MTM1: variants seen among roughly 807,000 people sequenced by gnomAD.
The protein encoded by MTM1 is myotubularin 1.
A neutral mutation model predicts 52.1 loss-of-function variants in MTM1; 9 were observed. The observed-to-expected ratio is 0.17, with a 90% CI of 0.10 to 0.30. The LOEUF (loss-of-function observed/expected upper bound fraction) is 0.30, where lower values mean the gene tolerates loss of function less well. Among genes scored for constraint, MTM1 ranks in the 10% least tolerant of loss-of-function variants. The pLI is 1.00. For missense variants in MTM1, 277 were observed against 470.7 expected, an observed-to-expected ratio of 0.59 and a Z score of 3.81; for synonymous variants, 136 against 163.8, an observed-to-expected ratio of 0.83 and a Z score of 1.29.
intron 6 of MTM1, among the ~76,000 whole-genome samples, chrX:150,620,762 A>G (rs1341725183): frequency 9.0e-6 from 1 of 111,557 alleles, no homozygotes; most frequent in Admixed American, 9.5e-5. Flanking sequence ...TCTAACCCTG[A>G]TATTGTCCTT....
At chrX:150,638,051 G>C (rs1212252665) in intron 6 of MTM1, among the ~76,000 whole-genome samples, 5 of 112,660 alleles carry the variant, frequency 4.4e-5, no homozygotes, top group African/African-American at 1.6e-4. Context: ...AATCAACCAA[G>C]TAAGAGATGA....
At chrX:150,573,885 G>A (rs1281578846) in intron 1 of MTM1, among the ~76,000 whole-genome samples, 1 of 112,277 alleles carries the variant, frequency 8.9e-6, no homozygotes, top group Non-Finnish European at 1.9e-5. Context: ...CTGCGTGTCA[G>A]TACTGTTTGT....
chrX:150,658,864 T>A (rs2148509964), intron 11 of MTM1, among the ~76,000 whole-genome samples: 1 of 112,198 alleles, frequency 8.9e-6, no homozygotes, highest in East Asian at 2.8e-4. Flanking sequence ...TTTGTTTGTT[T>A]GTTTTTGAGA....
At chrX:150,647,221 A>ATATATATATATATATATATATATATATG (rs373023705) in intron 9 of MTM1, among the ~76,000 whole-genome samples, 26 of 101,605 alleles carry the variant, frequency 2.6e-4, no homozygotes, top group African/African-American at 1.0e-3. Context: ...ATATATATAT[A>ATATATATATATATATATATATATATATG]GCAATATTTT....
At chrX:150,591,574 T>G (rs782659720) in intron 1 of MTM1, among the ~76,000 whole-genome samples, 1 of 113,029 alleles carries the variant, frequency 8.8e-6, no homozygotes, top group African/African-American at 3.2e-5. Context: ...TGTGAAGCTG[T>G]TAAATCCCAC....
chrX:150,567,481 G>A (rs1173912182), upstream of MTM1, among the ~76,000 whole-genome samples: 1 of 111,337 alleles, frequency 9.0e-6, no homozygotes, highest in Non-Finnish European at 1.9e-5. Flanking sequence ...CTATTTACTC[G>A]AACTGCTCGC....
chrX:150,636,283 T>G lies in MTM1; in HGVS notation c.445-2660T>G, dbSNP rs1251769635. Among the ~76,000 whole-genome samples the G allele has an allele frequency of 3.6e-5, 4 of 111,924 alleles. No individual in the cohort carries two copies. In the Admixed American group the frequency reaches 3.8e-4, roughly 11 times the overall value. On this transcript the variant is annotated intron_variant, in intron 6 of 14. Transcript: ENST00000370396. The stretch of plus-strand genomic sequence containing the variant: ...TGATGTTGCTTCTGTTCAGGTTCTT[T>G]TATAAAACATATTAAGGAAGTTAGG...
chrX:150,643,474 G>C (rs1446353711), intron 8 of MTM1, among the ~76,000 whole-genome samples: 1 of 111,416 alleles, frequency 9.0e-6, no homozygotes, highest in Admixed American at 9.6e-5. Context: ...GAGAACCAGT[G>C]TTAACACTGT....
In MTM1 at chrX:150,658,084, C is replaced by G. The variant is rs782378080; in HGVS notation, c.1260+57C>G. 7 of 961,443 alleles carry G rather than the reference C, an allele frequency of 7.3e-6. No homozygotes were observed. In the South Asian group the frequency reaches 1.4e-4, roughly 20 times the overall value. The allele number at this position is 961,443 out of a possible 1,213,427, so 79.2% of individuals were successfully genotyped here. On this transcript the variant is annotated intron_variant, in intron 11 of 14. Transcript: ENST00000370396. ...ATCACTACCATTCAGGATTTTAAAA[C>G]TAGTTGTTAAATTACATATTCAGTA...
intron 10 of MTM1, among the ~76,000 whole-genome samples, chrX:150,655,185 C>G (rs782464428): frequency 7.3e-5 from 8 of 109,101 alleles, no homozygotes; most frequent in African/African-American, 2.7e-4. Flanking sequence ...ATTAGCTGGG[C>G]GTGGTGGCGG....
At chrX:150,577,555 G>T (rs887820423) in intron 1 of MTM1, among the ~76,000 whole-genome samples, 6 of 112,302 alleles carry the variant, frequency 5.3e-5, no homozygotes, top group East Asian at 5.6e-4. Context: ...TTATGTGCTT[G>T]TTGGCCATTA....
In MTM1 at chrX:150,586,964, G is replaced by A. The variant is rs146611529; in HGVS notation, c.-10-5641G>A. 5.3e-4 allele frequency among the ~76,000 whole-genome samples: 58 copies of A among 108,927 alleles called. No individual in the cohort carries two copies. The East Asian group carries it at 0.015, about 29-fold the overall frequency. 94.6% of individuals were successfully genotyped at this position (108,927 alleles called of 115,157 possible). On this transcript the variant is annotated intron_variant, in intron 1 of 14. Transcript: ENST00000370396. ...ATCTCTGGTAGGAGGAAGGGAACTG[G>A]TATTTGAGCATCTTTGTTATGCCAT...
At chrX:150,654,113 C>A (rs936571776) in intron 10 of MTM1, among the ~76,000 whole-genome samples, 6 of 112,185 alleles carry the variant, frequency 5.3e-5, no homozygotes, top group Admixed American at 4.7e-4. Context: ...TTTCATCAGT[C>A]ACAAGTCCAT....
At chrX:150,638,636 T>G (rs1218997624) in intron 6 of MTM1, among the ~76,000 whole-genome samples, 6 of 111,921 alleles carry the variant, frequency 5.4e-5, no homozygotes, top group Non-Finnish European at 1.1e-4. Flanking sequence ...GCTAATACTG[T>G]TTAAAATTGA....
At chrX:150,587,711 A>T (rs1392060330) in intron 1 of MTM1, among the ~76,000 whole-genome samples, 1 of 111,510 alleles carries the variant, frequency 9.0e-6, no homozygotes, top group African/African-American at 3.3e-5. Flanking sequence ...TAATGCAAAA[A>T]ATCAGAATAA....
intron 1 of MTM1, among the ~76,000 whole-genome samples, chrX:150,585,406 G>A (rs2038768703): frequency 8.9e-6 from 1 of 111,955 alleles, no homozygotes; most frequent in South Asian, 3.7e-4. Context: ...CCAGACCTGA[G>A]AAGGTTCTTG....
upstream of MTM1, among the ~76,000 whole-genome samples, chrX:150,566,829 T>C (rs1403686122): frequency 2.7e-5 from 3 of 111,194 alleles, no homozygotes; most frequent in Non-Finnish European, 3.8e-5. Context: ...TTTTCCTCTA[T>C]CCCTCTGCCC....
At chrX:150,589,670 C>T (rs1286598840) in intron 1 of MTM1, among the ~76,000 whole-genome samples, 2 of 110,079 alleles carry the variant, frequency 1.8e-5, no homozygotes, top group Non-Finnish European at 1.9e-5. Flanking sequence ...TAGAGACAGC[C>T]CAGGGCTTGT....
At chrX:150,585,087 A>AG (rs2038761130) in intron 1 of MTM1, among the ~76,000 whole-genome samples, 1 of 97,657 alleles carries the variant, frequency 1.0e-5, no homozygotes, top group African/African-American at 4.0e-5. Context: ...GAGAGAGAGA[A>AG]AGAGTGTGTG....
Sources: allele counts gnomAD v4.1 joint callset (sites outside exome capture counted in the v4.1 genomes callset), GRCh38; gene constraint gnomAD v4.1.1; transcripts MANE v1.5; gene names NCBI Gene and HGNC (gene_info 2026-07-23, HGNC 2026-07-21).